The following EPHA6 variants were observed in gnomAD, a reference collection of about 807,000 sequenced individuals.
EPHA6 encodes the protein EPH receptor A6.
EPHA6 carries 50 observed loss-of-function variants against 112.0 expected under a neutral mutation model. That is an observed-to-expected ratio of 0.45 (90% CI 0.36 to 0.56). EPHA6 has a LOEUF of 0.56. Ranked by LOEUF, EPHA6 falls within the 20% of genes least tolerant of loss-of-function variation. The pLI, the probability that EPHA6 is intolerant of heterozygous loss-of-function variation, is 0.00. For missense variants in EPHA6, 1,280 were observed against 1,417.4 expected, an observed-to-expected ratio of 0.90 and a Z score of 1.56; for synonymous variants, 529 against 490.7, an observed-to-expected ratio of 1.08 and a Z score of -1.03.
At chr3:97,599,557 G>T (rs1417976681) in intron 12 of EPHA6, among the ~76,000 whole-genome samples, 1 of 150,726 alleles carries the variant, frequency 6.6e-6, no homozygotes, top group Non-Finnish European at 1.5e-5. Context: ...TCTCAGGTTT[G>T]TCAAAGATCA....
At chr3:97,482,101 GTTGT>G (rs2091569704) in intron 9 of EPHA6, among the ~76,000 whole-genome samples, 1 of 152,106 alleles carries the variant, frequency 6.6e-6, no homozygotes, top group African/African-American at 2.4e-5. Flanking sequence ...ATTCAGTTTG[GTTGT>G]TTATTTTCCT....
At chr3:96,872,907 G>A (rs986088975) in intron 2 of EPHA6, among the ~76,000 whole-genome samples, 1 of 151,928 alleles carries the variant, frequency 6.6e-6, no homozygotes, top group African/African-American at 2.4e-5. Flanking sequence ...ACAATAATTT[G>A]GAGCAATGTC....
At chr3:97,057,453 C>T (rs977392247) in intron 3 of EPHA6, among the ~76,000 whole-genome samples, 2 of 152,154 alleles carry the variant, frequency 1.3e-5, no homozygotes, top group East Asian at 3.9e-4. Flanking sequence ...AGAGACTTTG[C>T]TTGGTGATAG....
chr3:97,736,570 C>A (rs1407071041), intron 16 of EPHA6, among the ~76,000 whole-genome samples: 1 of 149,602 alleles, frequency 6.7e-6, no homozygotes, highest in Admixed American at 6.7e-5. Flanking sequence ...AAATGGCAAG[C>A]CAGACAGGGG....
At chr3:96,910,158 T>G (rs2039143888) in intron 2 of EPHA6, among the ~76,000 whole-genome samples, 1 of 152,050 alleles carries the variant, frequency 6.6e-6, no homozygotes, top group African/African-American at 2.4e-5. Flanking sequence ...TTGATGGAAA[T>G]AATTATATAA....
chr3:97,095,623 C>T lies in EPHA6; in HGVS notation c.1114+107630C>T, dbSNP rs563403294. ...CTACTTAAAAATAATGACCACATTT[C>T]CTACCCTGCTTTTAAGTGATGTGTG... On this transcript the variant is annotated intron_variant, in intron 3 of 17. Coordinates refer to ENST00000389672, the MANE Select transcript of EPHA6 (RefSeq NM_001080448.3). 4.9e-4 allele frequency among the ~76,000 whole-genome samples: 75 copies of T among 152,010 alleles called. 1 individual carries two copies. Among genetic ancestry groups the T allele is most frequent in the Non-Finnish European group, 9.3e-4 (63 of 67,952 alleles).
At chr3:96,891,869 C>T (rs922340730) in intron 2 of EPHA6, among the ~76,000 whole-genome samples, 3 of 152,140 alleles carry the variant, frequency 2.0e-5, no homozygotes, top group Non-Finnish European at 2.9e-5. Flanking sequence ...TGAATTGTGT[C>T]TGTGTTTTCT....
intron 2 of EPHA6, among the ~76,000 whole-genome samples, chr3:96,879,755 C>T (rs1184459762): frequency 6.6e-6 from 1 of 151,932 alleles, no homozygotes; most frequent in Non-Finnish European, 1.5e-5. Flanking sequence ...AATTTTGTTT[C>T]ATTGTTGTAG....
chr3:96,963,769 A>G (rs574170882), intron 2 of EPHA6, among the ~76,000 whole-genome samples: 1 of 152,318 alleles, frequency 6.6e-6, no homozygotes, highest in South Asian at 2.1e-4. Flanking sequence ...ACACATGTTT[A>G]TATAAAGTAA....
intron 3 of EPHA6, among the ~76,000 whole-genome samples, chr3:97,140,906 T>C (rs539002712): frequency 1.3e-5 from 2 of 151,918 alleles, no homozygotes; most frequent in South Asian, 4.1e-4. Context: ...AAACATAAGA[T>C]CCAATCATTT....
intron 7 of EPHA6, among the ~76,000 whole-genome samples, chr3:97,456,156 G>A (rs774423081): frequency 1.8e-4 from 28 of 151,992 alleles, no homozygotes; most frequent in Non-Finnish European, 1.9e-4. Flanking sequence ...ATAACATATA[G>A]CAACATATGT....
intron 3 of EPHA6, among the ~76,000 whole-genome samples, chr3:97,220,150 C>T (rs6782836): frequency 0.16 from 24,756 of 152,104 alleles, 4,717 homozygotes; most frequent in African/African-American, 0.44. Context: ...CTTAATTGTC[C>T]GTATCACTAT....
intron 14 of EPHA6, among the ~76,000 whole-genome samples, chr3:97,686,551 A>G (rs1294236685): frequency 1.3e-5 from 2 of 152,236 alleles, no homozygotes; most frequent in African/African-American, 4.8e-5. Context: ...TTTATAGTGC[A>G]GGACCAGACT....
rs561462653 is a variant in EPHA6 at position 97,345,259 on chromosome 3, T to G, written c.1607-59891T>G. Among the ~76,000 whole-genome samples, 332 of 152,200 alleles carry G rather than the reference T, an allele frequency of 2.2e-3. 3 individuals are homozygous for G. The highest frequency in any genetic ancestry group is 3.7e-3 in the Non-Finnish European group (254 of 68,014). On this transcript the variant is annotated intron_variant, in intron 5 of 17. Transcript: ENST00000389672. ...GCTTAGAGGATGTTTTGATAAATAT[T>G]TGGAGGTCAAAACAAACTGCTTAGA...
At chr3:97,191,495 G>A (rs762732187) in intron 3 of EPHA6, among the ~76,000 whole-genome samples, 1 of 151,648 alleles carries the variant, frequency 6.6e-6, no homozygotes, top group African/African-American at 2.4e-5. Flanking sequence ...CTCTGGTAAT[G>A]ATCATTCTAC....
At position 97,005,735 on chromosome 3, in the gene EPHA6, A is replaced by G. The variant is rs535044041; in HGVS notation, c.1114+17742A>G. On this transcript the variant is annotated intron_variant, in intron 3 of 17. Transcript: ENST00000389672. Reference sequence around the variant, plus strand: ...TGCTTCCAGCTTTTGCCCATTCAATATGATAATGGCTATGAGTTTGTCATA... The same window carrying G: ...TGCTTCCAGCTTTTGCCCATTCAATGTGATAATGGCTATGAGTTTGTCATA... Among the ~76,000 whole-genome samples, 135 of 152,306 alleles carry G rather than the reference A, an allele frequency of 8.9e-4. 1 individual carries two copies. The highest frequency in any genetic ancestry group is 3.1e-3 in the African/African-American group (127 of 41,570).
At chr3:97,430,832 T>G (rs754194121) in intron 6 of EPHA6, among the ~76,000 whole-genome samples, 2 of 152,182 alleles carry the variant, frequency 1.3e-5, no homozygotes, top group African/African-American at 2.4e-5. Context: ...CCTATTATTA[T>G]GTACTCCTTA....
chr3:97,123,710 C>A (rs2048106531), intron 3 of EPHA6, among the ~76,000 whole-genome samples: 1 of 152,066 alleles, frequency 6.6e-6, no homozygotes, highest in Non-Finnish European at 1.5e-5. Flanking sequence ...GTACTGAAAT[C>A]AGTTTGTTTC....
At chr3:97,546,565 G>A (rs1462698990) in intron 11 of EPHA6, among the ~76,000 whole-genome samples, 1 of 152,112 alleles carries the variant, frequency 6.6e-6, no homozygotes, top group East Asian at 1.9e-4. Context: ...TTCTCGAAGA[G>A]TATCTTTGTG....
Sources: gnomAD v4.1 joint callset for allele counts (sites outside exome capture counted in the v4.1 genomes callset) on GRCh38, gnomAD v4.1.1 for gene constraint, MANE v1.5 for transcripts, NCBI Gene and HGNC (gene_info 2026-07-23, HGNC 2026-07-21) for gene names.